The following FYN variants were observed in gnomAD, a reference collection of about 807,000 sequenced individuals.
The protein encoded by FYN is FYN proto-oncogene, Src family tyrosine kinase, also known as tyrosine-protein kinase Fyn.
FYN carries 10 observed loss-of-function variants against 70.2 expected under a neutral mutation model. That is an observed-to-expected ratio of 0.14 (90% CI 0.09 to 0.24). The LOEUF is 0.24. FYN is among the 10% of genes least tolerant of loss of function. The pLI is 1.00. For missense variants in FYN, 319 were observed against 673.1 expected (o/e 0.47, Z 5.82); for synonymous variants, 236 against 248.6 (o/e 0.95, Z 0.48).
At chr6:111,745,250 C>A (rs963985017) in intron 3 of FYN, among the ~76,000 whole-genome samples, 3 of 152,170 alleles carry the variant, frequency 2.0e-5, no homozygotes, top group African/African-American at 7.2e-5. Flanking sequence ...TGAAGGGTGT[C>A]CAGCCCATGG....
intron 3 of FYN, among the ~76,000 whole-genome samples, chr6:111,740,491 T>G (rs541924461): frequency 1.3e-5 from 2 of 152,040 alleles, no homozygotes; most frequent in Non-Finnish European, 2.9e-5. Context: ...GGTAGAAACA[T>G]AACTACTTTC....
intron 3 of FYN, among the ~76,000 whole-genome samples, chr6:111,764,778 A>C (rs1030773909): frequency 6.6e-6 from 1 of 152,208 alleles, no homozygotes; most frequent in Non-Finnish European, 1.5e-5. Context: ...GAAGAAAAAA[A>C]ACCCCATGGA....
At chr6:111,663,023 C>T (rs1428265102) in intron 13 of FYN, among the ~76,000 whole-genome samples, 1 of 152,262 alleles carries the variant, frequency 6.6e-6, no homozygotes, top group Admixed American at 6.5e-5. Context: ...ACTACAGGAA[C>T]TACCATGCTT....
chr6:111,718,628 C>T (rs1267432036), intron 4 of FYN, among the ~76,000 whole-genome samples: 1 of 152,130 alleles, frequency 6.6e-6, no homozygotes, highest in Non-Finnish European at 1.5e-5. Context: ...GTGTTTGCCT[C>T]TTTTTTTCTC....
chr6:111,813,978 AT>A (rs1261951702), intron 2 of FYN: 4 of 152,216 alleles, frequency 2.6e-5, no homozygotes, highest in Non-Finnish European at 4.4e-5. Context: ...CTTCCTTCAG[AT>A]CTGTCCCAGC....
At chr6:111,696,646 G>A (rs2128439007) in intron 9 of FYN, 190 bp from the exon 10 acceptor site, 1 of 486,126 alleles carries the variant, frequency 2.1e-6, no homozygotes. Context: ...TTTATTTGTG[G>A]TTATGGCTAA....
chr6:111,840,935 G>A (rs1360201094), intron 2 of FYN, among the ~76,000 whole-genome samples: 1 of 152,214 alleles, frequency 6.6e-6, no homozygotes, highest in African/African-American at 2.4e-5. Flanking sequence ...ATGGCTACAG[G>A]AGAAAGCCTC....
chr6:111,727,326 A>G (rs1801235166), intron 3 of FYN, among the ~76,000 whole-genome samples: 1 of 152,228 alleles, frequency 6.6e-6, no homozygotes. Context: ...AGTACCATGA[A>G]GGAGTTGGCA....
At chr6:111,776,953 A>T (rs1323287924) in intron 3 of FYN, among the ~76,000 whole-genome samples, 3 of 152,216 alleles carry the variant, frequency 2.0e-5, no homozygotes, top group African/African-American at 7.2e-5. Flanking sequence ...AATCATCTGT[A>T]ATGAGATCTC....
chr6:111,770,826 A>C (rs1665761307), intron 3 of FYN, among the ~76,000 whole-genome samples: 1 of 152,100 alleles, frequency 6.6e-6, no homozygotes, highest in Admixed American at 6.5e-5. Flanking sequence ...CTAATCCAGA[A>C]TTGGGAGCAT....
chr6:111,700,876 G>A (rs1799802456), intron 8 of FYN, among the ~76,000 whole-genome samples: 1 of 151,794 alleles, frequency 6.6e-6, no homozygotes, highest in Non-Finnish European at 1.5e-5. Context: ...GATTATAACT[G>A]GTGGGGAAAA....
At chr6:111,692,807 G>C (rs1009107212) in intron 12 of FYN, among the ~76,000 whole-genome samples, 3 of 152,160 alleles carry the variant, frequency 2.0e-5, no homozygotes, top group African/African-American at 7.2e-5. Flanking sequence ...CCTCATTCAG[G>C]GCAAGTCTCA....
At chr6:111,681,184 T>C (rs1798766908) in intron 12 of FYN, among the ~76,000 whole-genome samples, 1 of 152,092 alleles carries the variant, frequency 6.6e-6, no homozygotes, top group Admixed American at 6.5e-5. Context: ...CACGCCACCA[T>C]GCCTGGCTAA....
At chr6:111,822,234 T>A (rs1417952869) in intron 2 of FYN, among the ~76,000 whole-genome samples, 1 of 152,182 alleles carries the variant, frequency 6.6e-6, no homozygotes, top group African/African-American at 2.4e-5. Flanking sequence ...CCAACCCAAA[T>A]GTCCATCAAT....
At chr6:111,688,241 G>A (rs761957264) in intron 12 of FYN, among the ~76,000 whole-genome samples, 5 of 152,114 alleles carry the variant, frequency 3.3e-5, no homozygotes, top group South Asian at 2.1e-4. Context: ...CTAGGAATAC[G>A]GCGTCAGGAT....
chr6:111,730,247 C>T (rs1356051535), intron 3 of FYN, among the ~76,000 whole-genome samples: 3 of 151,966 alleles, frequency 2.0e-5, no homozygotes, highest in Non-Finnish European at 1.5e-5. Context: ...ATTAAGGGCA[C>T]GAAAAAGGCA....
Position 111,661,974 on chromosome 6 carries a change from G to A in FYN, c.1406-27C>T. On this transcript the variant is annotated intron_variant, in intron 13 of 13. Transcript: ENST00000354650. This position sits in a 1 kb window ranked among gnomAD's most constrained non-coding sequence, Gnocchi z 4.0. ...TGCAAAGACAAGCGCAGTGAGAGTG[G>A]GCACCCCGGGGATCCAGGCCCTGAC... The A allele has an allele frequency of 6.4e-7, 1 of 1,562,622 alleles. No homozygotes were observed. The highest frequency in any genetic ancestry group is 8.7e-7 in the Non-Finnish European group (1 of 1,150,382).
At chr6:111,772,936 AATT>A (rs1489871374) in intron 3 of FYN, among the ~76,000 whole-genome samples, 1 of 151,872 alleles carries the variant, frequency 6.6e-6, no homozygotes, top group Non-Finnish European at 1.5e-5. Context: ...GATAATATAA[AATT>A]ATTATTAAAT....
intron 1 of FYN, among the ~76,000 whole-genome samples, chr6:111,864,906 C>T (rs1041621124): frequency 1.3e-5 from 2 of 152,088 alleles, no homozygotes; most frequent in Admixed American, 1.3e-4. Flanking sequence ...ATACATGCCT[C>T]CTAGAGTTGC....
Sources: gnomAD v4.1 joint callset for allele counts (sites outside exome capture counted in the v4.1 genomes callset) on GRCh38, gnomAD v4.1.1 for gene constraint, Gnocchi (gnomAD v3.1) non-coding constraint, MANE v1.5 for transcripts, NCBI Gene and HGNC (gene_info 2026-07-23, HGNC 2026-07-21) for gene names.